Variants in CTNNA3 observed in about 807,000 individuals in gnomAD.
The protein encoded by CTNNA3 is catenin alpha-3.
In CTNNA3, 76 loss-of-function variants were observed where a neutral mutation model predicts 95.7. The ratio of observed to expected loss-of-function variants is 0.79; its 90% CI spans 0.66 to 0.96. CTNNA3 has a LOEUF of 0.96. Ranked by LOEUF, CTNNA3 falls within the 40% of genes least tolerant of loss-of-function variation. CTNNA3 has a pLI of 0.00. For synonymous variants in CTNNA3, 431 were observed against 374.4 expected (o/e 1.15, Z -1.74); for missense variants, 1,191 against 1,089.8 (o/e 1.09, Z -1.31).
intron 6 of CTNNA3, among the ~76,000 whole-genome samples, chr10:67,201,258 T>C (rs988890662): frequency 6.6e-6 from 1 of 152,180 alleles, no homozygotes; most frequent in Non-Finnish European, 1.5e-5. Flanking sequence ...AACTACCTTT[T>C]TCAAAACTCA....
intron 1 of CTNNA3, among the ~76,000 whole-genome samples, chr10:67,658,432 A>G (rs1283479732): frequency 6.6e-6 from 1 of 152,182 alleles, no homozygotes; most frequent in African/African-American, 2.4e-5. Context: ...TCCCTCATCT[A>G]TAGACCTCAT....
chr10:65,973,509 A>G (rs375936192), intron 16 of CTNNA3, among the ~76,000 whole-genome samples: 2 of 152,180 alleles, frequency 1.3e-5, no homozygotes, highest in East Asian at 3.9e-4. Context: ...AGCAAAAAGC[A>G]ATCCCATTAA....
At chr10:66,389,506 T>G (rs1299406328) in intron 11 of CTNNA3, among the ~76,000 whole-genome samples, 5 of 152,138 alleles carry the variant, frequency 3.3e-5, no homozygotes, top group Admixed American at 6.6e-5. Context: ...TATAGCCATC[T>G]TGAGATGCAA....
At chr10:66,441,936 C>A (rs1354942567) in intron 11 of CTNNA3, among the ~76,000 whole-genome samples, 1 of 152,138 alleles carries the variant, frequency 6.6e-6, no homozygotes, top group Non-Finnish European at 1.5e-5. Flanking sequence ...GAAACTCTTG[C>A]AGAAAAAGAA....
At chr10:67,393,028 C>T (rs991492520) in intron 5 of CTNNA3, among the ~76,000 whole-genome samples, 2 of 151,500 alleles carry the variant, frequency 1.3e-5, no homozygotes, top group Non-Finnish European at 2.9e-5. Context: ...GCACAATGTA[C>T]ACATGTACCC....
intron 13 of CTNNA3, among the ~76,000 whole-genome samples, chr10:66,141,635 T>C (rs925286302): frequency 2.0e-5 from 3 of 152,130 alleles, no homozygotes; most frequent in Admixed American, 6.5e-5. Context: ...CAGATAAATA[T>C]AGATTAAAGT....
intron 12 of CTNNA3, among the ~76,000 whole-genome samples, chr10:66,308,607 G>A (rs2091962575): frequency 6.6e-6 from 1 of 151,916 alleles, no homozygotes; most frequent in African/African-American, 2.4e-5. Context: ...TTTTATTTTG[G>A]CTTCCAGTAG....
chr10:67,099,628 T>A (rs562461706), intron 7 of CTNNA3: 2 of 152,190 alleles, frequency 1.3e-5, no homozygotes, highest in Non-Finnish European at 3.0e-5. Flanking sequence ...TGAAAATATA[T>A]AAAGTCAGAA....
intron 9 of CTNNA3, among the ~76,000 whole-genome samples, chr10:66,666,795 T>C (rs974682366): frequency 8.1e-6 from 1 of 123,678 alleles, no homozygotes; most frequent in Non-Finnish European, 1.6e-5. Context: ...GAAAACTGGT[T>C]CTTGGGGAAA....
intron 10 of CTNNA3, among the ~76,000 whole-genome samples, chr10:66,561,215 T>G (rs1424803956): frequency 1.3e-5 from 2 of 152,166 alleles, no homozygotes; most frequent in Admixed American, 6.6e-5. Flanking sequence ...AGTAGAATCC[T>G]GAAATTTATC....
chr10:66,879,583 G>A (rs187100751), intron 7 of CTNNA3, among the ~76,000 whole-genome samples: 261 of 152,196 alleles, frequency 1.7e-3, no homozygotes, highest in African/African-American at 5.9e-3. Flanking sequence ...TGTTCTGCAA[G>A]TGACCTAGTA....
At chr10:66,379,088 A>G in intron 12 of CTNNA3, 64 bp downstream of exon 12, 1 of 1,319,288 alleles carries the variant, frequency 7.6e-7, no homozygotes, top group Non-Finnish European at 1.1e-6. Context: ...ACATGTATGA[A>G]TATTCGTAGC....
chr10:66,452,660 A>G lies in CTNNA3; in HGVS notation c.1531+67957T>C, dbSNP rs992914295. Among the ~76,000 whole-genome samples the G allele has an allele frequency of 2.6e-4, 39 of 152,200 alleles. 2 individuals are homozygous for G. Among genetic ancestry groups the G allele is most frequent in the Non-Finnish European group, 1.5e-5 (1 of 68,032 alleles). ...AGAAATCATGCAGCCAGAGGCCACA[A>G]GATTCCTAACTTCTCTGTTCCTGTG... is the stretch of plus-strand genomic sequence containing the variant. On this transcript the variant is annotated intron_variant, in intron 11 of 17. Transcript: ENST00000433211.
rs559726392 is a variant in CTNNA3, at chr10:67,703,299, C to A, written c.-1-55785G>T. 3.7e-3 allele frequency among the ~76,000 whole-genome samples: 558 copies of A among 149,608 alleles called. 6 individuals are homozygous for A. Among genetic ancestry groups the A allele is most frequent in the African/African-American group, 0.013 (530 of 39,428 alleles). On this transcript the variant is annotated intron_variant, in intron 1 of 17. Transcript: ENST00000684154. The stretch of plus-strand genomic sequence containing the variant: ...TATGAGGCCAGCATCATCCTGATAC[C>A]AAAGCCTGGCAGAGACACAACCAAA...
intron 7 of CTNNA3, among the ~76,000 whole-genome samples, chr10:66,947,214 G>A (rs1848316681): frequency 6.6e-6 from 1 of 152,072 alleles, no homozygotes; most frequent in African/African-American, 2.4e-5. Context: ...TATGGCCCCA[G>A]GACAGTGTTG....
intron 17 of CTNNA3, among the ~76,000 whole-genome samples, chr10:65,965,474 G>A (rs1482309326): frequency 1.4e-5 from 2 of 140,364 alleles, no homozygotes; most frequent in South Asian, 2.2e-4. Flanking sequence ...GCACGATCTC[G>A]GCTAACTGAA....
chr10:67,505,072 C>T (rs1245854531), intron 5 of CTNNA3, among the ~76,000 whole-genome samples: 6 of 152,168 alleles, frequency 3.9e-5, no homozygotes, highest in Non-Finnish European at 8.8e-5. Flanking sequence ...ACAAATTGTA[C>T]ACTGCTGCCT....
At chr10:66,744,893 T>A (rs1849450959) in intron 9 of CTNNA3, among the ~76,000 whole-genome samples, 1 of 152,196 alleles carries the variant, frequency 6.6e-6, no homozygotes, top group African/African-American at 2.4e-5. Flanking sequence ...TAATAAAATA[T>A]TTCAGAAGTC....
chr10:67,158,102 C>G (rs1861388081), intron 7 of CTNNA3, among the ~76,000 whole-genome samples: 1 of 152,028 alleles, frequency 6.6e-6, no homozygotes, highest in South Asian at 2.1e-4. Context: ...AGAGCCTACA[C>G]TAAGCTGCCT....
Sources: gnomAD v4.1 joint callset for allele counts (sites outside exome capture counted in the v4.1 genomes callset) on GRCh38, gnomAD v4.1.1 for gene constraint, MANE v1.5 for transcripts, NCBI Gene and HGNC (gene_info 2026-07-23, HGNC 2026-07-21) for gene names.